Variants in KCNJ6 observed in about 807,000 individuals in gnomAD.
The protein encoded by KCNJ6 is G protein-activated inward rectifier potassium channel 2.
KCNJ6 carries 9 observed loss-of-function variants against 34.2 expected under a neutral mutation model. The observed-to-expected ratio is 0.26, with a 90% confidence interval of 0.16 to 0.46. KCNJ6 has a LOEUF of 0.46. KCNJ6 is among the 20% of genes least tolerant of loss of function. The probability of loss-of-function intolerance (pLI) is 1.00; values close to 1 mark genes in which losing one functional copy is unlikely to be tolerated. For synonymous variants in KCNJ6, 196 were observed against 207.1 expected (o/e 0.95, Z 0.46); for missense variants, 236 against 531.3 (o/e 0.44, Z 5.46).
At chr21:37,824,601 G>C (rs946537502) in intron 2 of KCNJ6, among the ~76,000 whole-genome samples, 2 of 152,044 alleles carry the variant, frequency 1.3e-5, no homozygotes, top group South Asian at 4.2e-4. Context: ...TTTGATCATG[G>C]GGGCATTTTC....
chr21:37,616,619 T>TATATATATA lies in KCNJ6; in HGVS notation c.*8539_*8540insTATATATAT, dbSNP rs2054269194. 1.3e-5 allele frequency: 1 copy of TATATATATA among 77,412 alleles called. No individual in the cohort carries two copies. Among genetic ancestry groups the TATATATATA allele is most frequent in the Non-Finnish European group, 2.7e-5 (1 of 36,462 alleles). The allele number at this position is 77,412 out of a possible 1,614,324, so 4.8% of individuals were successfully genotyped here. The stretch of plus-strand genomic sequence containing the variant: ...TATATATATATATATATATATATGG[T>TATATATATA]TAGACTCTGAACATATACGCTCGGT... On this transcript the variant is annotated 3_prime_UTR_variant, in exon 4 of 4. Transcript: ENST00000609713.
At chr21:37,850,206 C>G (rs966227649) in intron 1 of KCNJ6, among the ~76,000 whole-genome samples, 1 of 151,996 alleles carries the variant, frequency 6.6e-6, no homozygotes, top group East Asian at 1.9e-4. Context: ...TTGCGGGGTG[C>G]CAGGGGTCAG....
intron 1 of KCNJ6, among the ~76,000 whole-genome samples, chr21:37,886,453 G>T (rs2055735844): frequency 6.6e-6 from 1 of 152,150 alleles, no homozygotes; most frequent in South Asian, 2.1e-4. Flanking sequence ...TTTGGGGATG[G>T]ATCATCCTGG....
intron 1 of KCNJ6, among the ~76,000 whole-genome samples, chr21:37,900,278 A>G (rs948225680): frequency 2.0e-5 from 3 of 152,202 alleles, no homozygotes; most frequent in Non-Finnish European, 4.4e-5. Flanking sequence ...AAAAAAAGGG[A>G]AAACAACCCA....
At chr21:37,677,633 T>C (rs1036102039) in intron 3 of KCNJ6, among the ~76,000 whole-genome samples, 2 of 152,096 alleles carry the variant, frequency 1.3e-5, no homozygotes, top group African/African-American at 4.8e-5. Context: ...AAGTATGTGT[T>C]AAAATTATTT....
At position 37,739,616 on chromosome 21, in the gene KCNJ6, C is replaced by T. The variant is rs150837222; in HGVS notation, c.26-24485G>A. On this transcript the variant is annotated intron_variant, in intron 2 of 3. Coordinates refer to ENST00000609713, the MANE Select transcript of KCNJ6 (RefSeq NM_002240.5). ...GTTTGGGAGCTGTGGCTACTTTAGC[C>T]CGCTGGTTCAATTGTTTTTCATTTT... Among the ~76,000 whole-genome samples, 9 of 152,260 alleles carry T rather than the reference C, an allele frequency of 5.9e-5. No homozygotes were observed. The East Asian group carries it at 1.7e-3, about 29-fold the overall frequency.
intron 1 of KCNJ6, among the ~76,000 whole-genome samples, chr21:37,870,095 A>G (rs1201874592): frequency 6.6e-6 from 1 of 152,196 alleles, no homozygotes; most frequent in Non-Finnish European, 1.5e-5. Flanking sequence ...GCATAGAAAC[A>G]TATTTCCTGG....
At chr21:37,690,205 T>C (rs993794768) in intron 3 of KCNJ6, among the ~76,000 whole-genome samples, 1 of 152,178 alleles carries the variant, frequency 6.6e-6, no homozygotes, top group Admixed American at 6.6e-5. Flanking sequence ...AACTACTCAA[T>C]GTTCAAAGGT....
At chr21:37,650,653 C>G (rs943157965) in intron 3 of KCNJ6, among the ~76,000 whole-genome samples, 2 of 152,202 alleles carry the variant, frequency 1.3e-5, no homozygotes, top group African/African-American at 4.8e-5. Flanking sequence ...CATCTATTGT[C>G]TGAAGCACCT....
At chr21:37,637,814 C>T (rs951902601) in intron 3 of KCNJ6, among the ~76,000 whole-genome samples, 3 of 152,150 alleles carry the variant, frequency 2.0e-5, no homozygotes, top group East Asian at 1.9e-4. Flanking sequence ...AGCATGTGTA[C>T]GCTCTTTCTA....
At chr21:37,835,268 A>G (rs944428044) in intron 2 of KCNJ6, among the ~76,000 whole-genome samples, 1 of 152,114 alleles carries the variant, frequency 6.6e-6, no homozygotes, top group Non-Finnish European at 1.5e-5. Flanking sequence ...TGCCAGCAGA[A>G]CCCTGAGGTT....
intron 1 of KCNJ6, among the ~76,000 whole-genome samples, chr21:37,876,473 C>G (rs559147524): frequency 2.0e-5 from 3 of 152,186 alleles, no homozygotes; most frequent in Admixed American, 2.0e-4. Context: ...TTTGCATCAT[C>G]ATAGTCATTA....
chr21:37,640,566 C>T (rs1458701578), intron 3 of KCNJ6, among the ~76,000 whole-genome samples: 2 of 152,232 alleles, frequency 1.3e-5, no homozygotes, highest in Non-Finnish European at 2.9e-5. Context: ...TTGTCCCTTA[C>T]ATCATATGTT....
intron 2 of KCNJ6, among the ~76,000 whole-genome samples, chr21:37,813,564 C>A (rs2055332758): frequency 6.6e-6 from 1 of 152,104 alleles, no homozygotes; most frequent in Admixed American, 6.6e-5. Flanking sequence ...ACACATAGAT[C>A]AATGGAACAG....
At chr21:37,827,288 A>C (rs2055403658) in intron 2 of KCNJ6, among the ~76,000 whole-genome samples, 1 of 152,150 alleles carries the variant, frequency 6.6e-6, no homozygotes, top group Non-Finnish European at 1.5e-5. Flanking sequence ...ACCAGGAGGG[A>C]AGCACTTGCA....
chr21:37,696,686 A>T (rs1405448584), intron 3 of KCNJ6, among the ~76,000 whole-genome samples: 1 of 152,214 alleles, frequency 6.6e-6, no homozygotes, highest in African/African-American at 2.4e-5. Context: ...TAGATATAGT[A>T]GCATTATGTC....
At chr21:37,900,053 A>C (rs1294178882) in intron 1 of KCNJ6, among the ~76,000 whole-genome samples, 1 of 152,238 alleles carries the variant, frequency 6.6e-6, no homozygotes, top group Non-Finnish European at 1.5e-5. Flanking sequence ...GAGGGATTAC[A>C]GATTGTTCTT....
intron 3 of KCNJ6, among the ~76,000 whole-genome samples, chr21:37,694,807 A>G (rs146932024): frequency 4.6e-5 from 7 of 152,290 alleles, no homozygotes; most frequent in African/African-American, 1.4e-4. Context: ...ATTGTATTGT[A>G]TCAGGTGGGG....
rs906931154 is a variant in KCNJ6, at chr21:37,624,226, A to G, written c.*933T>C. The G allele has an allele frequency of 6.6e-6, 1 of 152,238 alleles. No homozygotes were observed. The highest frequency in any genetic ancestry group is 1.5e-5 in the Non-Finnish European group (1 of 68,054). 9.4% of individuals were successfully genotyped at this position (152,238 alleles called of 1,614,324 possible). ...AGACATCTGTTTTGTAACATTTCAC[A>G]GTATATCAGCATATTGGTGGTGGGT... On this transcript the variant is annotated 3_prime_UTR_variant, in exon 4 of 4. Coordinates refer to ENST00000609713, the MANE Select transcript of KCNJ6 (RefSeq NM_002240.5).
Sources: allele counts gnomAD v4.1 joint callset (sites outside exome capture counted in the v4.1 genomes callset), GRCh38; gene constraint gnomAD v4.1.1; transcripts MANE v1.5; gene names NCBI Gene and HGNC (gene_info 2026-07-23, HGNC 2026-07-21).